Variants in ANXA8 observed in about 807,000 individuals in gnomAD.
ANXA8 encodes VAC-beta.
A neutral mutation model predicts 26.8 loss-of-function variants in ANXA8; 9 were observed. That is an observed-to-expected ratio of 0.34 (90% confidence interval 0.20 to 0.59). The LOEUF is 0.59. Ranked by LOEUF, ANXA8 falls within the 20% of genes least tolerant of loss-of-function variation. The probability of loss-of-function intolerance (pLI) is 0.84; values close to 1 mark genes in which losing one functional copy is unlikely to be tolerated. For missense variants in ANXA8, 83 were observed against 238.5 expected (o/e 0.35, Z 4.29); for synonymous variants, 39 against 94.8 (o/e 0.41, Z 3.42).
the ANXA8 span, among the ~76,000 whole-genome samples, chr10:47,767,467 C>T: frequency 2.0e-5 from 3 of 152,270 alleles, no homozygotes; most frequent in African/African-American, 4.8e-5. Flanking sequence ...GTGGTTTCTG[C>T]TTCCTGCCCT....
chr10:47,556,337 C>G, the ANXA8 span, among the ~76,000 whole-genome samples: 1 of 151,878 alleles, frequency 6.6e-6, no homozygotes, highest in Non-Finnish European at 1.5e-5. Context: ...AAACTGGATA[C>G]CTGAGGTTTC....
the ANXA8 span, chr10:47,551,960 GA>G: frequency 1.4e-6 from 1 of 740,560 alleles, no homozygotes; most frequent in African/African-American, 1.8e-5. Context: ...AACCTACAAG[GA>G]AGAAGGTTGG....
chr10:47,495,125 C>T, the ANXA8 span, among the ~76,000 whole-genome samples: 7 of 144,506 alleles, frequency 4.8e-5, no homozygotes, highest in East Asian at 2.0e-4. Context: ...TAGGGCCAGA[C>T]AGTGAGGCAC....
the ANXA8 span, among the ~76,000 whole-genome samples, chr10:47,644,324 G>A: frequency 8.0e-5 from 12 of 150,200 alleles, no homozygotes; most frequent in African/African-American, 3.0e-4. Context: ...TTTTTAGGCA[G>A]GATTAATAAA....
chr10:47,631,647 A>C, the ANXA8 span, among the ~76,000 whole-genome samples: 357 of 148,582 alleles, frequency 2.4e-3, 14 homozygotes, highest in Middle Eastern at 0.01. Flanking sequence ...CAAAATGGTA[A>C]ATGCAACTTT....
At chr10:47,952,068 CTT>C in the ANXA8 span, among the ~76,000 whole-genome samples, 18 of 150,550 alleles carry the variant, frequency 1.2e-4, no homozygotes, top group Admixed American at 1.1e-3. Flanking sequence ...TCACGATGTA[CTT>C]TTTTTTAAAA....
At chr10:47,732,646 G>C in the ANXA8 span, among the ~76,000 whole-genome samples, 1 of 123,868 alleles carries the variant, frequency 8.1e-6, no homozygotes, top group Admixed American at 8.6e-5. Flanking sequence ...AGTTTCCCCA[G>C]AGGTATCCTT....
At chr10:47,655,645 G>GTAATCT in the ANXA8 span, among the ~76,000 whole-genome samples, 22 of 151,960 alleles carry the variant, frequency 1.4e-4, no homozygotes, top group Non-Finnish European at 2.8e-4. Context: ...ACAGAATACA[G>GTAATCT]GATCCAGCTA....
the ANXA8 span, among the ~76,000 whole-genome samples, chr10:47,535,695 A>G: frequency 1.1e-5 from 1 of 94,472 alleles, no homozygotes; most frequent in African/African-American, 5.2e-5. Flanking sequence ...CTAGTCTAGA[A>G]TATTAAAAAA....
At chr10:47,929,119 CTGTGCCTGGCCCCCTGTCTA>C in the ANXA8 span, among the ~76,000 whole-genome samples, 69 of 77,904 alleles carry the variant, frequency 8.9e-4, no homozygotes, top group African/African-American at 3.6e-3. Context: ...GCATGGGATA[CTGTGCCTGGCCCCCTGTCTA>C]ATCCTGAAGC....
chr10:47,591,170 C>G, the ANXA8 span, among the ~76,000 whole-genome samples: 2 of 145,682 alleles, frequency 1.4e-5, no homozygotes, highest in Admixed American at 1.3e-4. Context: ...GGCTCCACTG[C>G]TCATGCATTT....
the ANXA8 span, among the ~76,000 whole-genome samples, chr10:47,556,206 C>G: frequency 6.6e-6 from 1 of 151,916 alleles, no homozygotes; most frequent in African/African-American, 2.4e-5. Context: ...TTCTCTCCAT[C>G]ATGCCCTTGC....
the ANXA8 span, among the ~76,000 whole-genome samples, chr10:47,727,431 G>A: frequency 6.6e-6 from 1 of 152,154 alleles, no homozygotes; most frequent in Non-Finnish European, 1.5e-5. Flanking sequence ...AGCTAATCTG[G>A]TTCTGTGATT....
the ANXA8 span, chr10:47,549,371 T>C: frequency 7.0e-7 from 1 of 1,432,116 alleles, no homozygotes; most frequent in African/African-American, 1.4e-5. Flanking sequence ...TAATGGTGAG[T>C]CTGCGCTTTT....
chr10:47,939,006 C>T, the ANXA8 span, among the ~76,000 whole-genome samples: 6 of 144,296 alleles, frequency 4.2e-5, no homozygotes, highest in Non-Finnish European at 4.5e-5. Context: ...GACCTTCTTC[C>T]CCTCAGAGCC....
the ANXA8 span, among the ~76,000 whole-genome samples, chr10:47,755,694 A>T: frequency 7.0e-6 from 1 of 142,176 alleles, no homozygotes; most frequent in African/African-American, 2.6e-5. Flanking sequence ...TATTTTTAGT[A>T]GAGATGAGCG....
chr10:47,497,595 G>A, the ANXA8 span, among the ~76,000 whole-genome samples: 96 of 145,888 alleles, frequency 6.6e-4, no homozygotes, highest in Non-Finnish European at 1.1e-3. Context: ...CTCCAGCCTG[G>A]CCAACAAAAG....
the ANXA8 span, among the ~76,000 whole-genome samples, chr10:47,664,427 G>C: frequency 2.0e-5 from 3 of 151,620 alleles, no homozygotes; most frequent in African/African-American, 2.4e-5. Flanking sequence ...AATTAGCTGG[G>C]TGTGGTGGCG....
the ANXA8 span, among the ~76,000 whole-genome samples, chr10:47,771,569 G>GT: frequency 5.8e-5 from 8 of 139,046 alleles, no homozygotes; most frequent in Middle Eastern, 3.8e-3. Flanking sequence ...TCTATGGCAG[G>GT]TTTTTTTTGT....
Sources: allele counts gnomAD v4.1 joint callset (sites outside exome capture counted in the v4.1 genomes callset), GRCh38; gene constraint gnomAD v4.1.1; transcripts MANE v1.5; gene names NCBI Gene and HGNC (gene_info 2026-07-23, HGNC 2026-07-21).